The following EYA2 variants were observed in gnomAD, a reference collection of about 807,000 sequenced individuals.
The protein encoded by EYA2 is EYA transcriptional coactivator and phosphatase 2.
Under a neutral mutation model 69.2 loss-of-function variants are expected in EYA2, and 31 were observed. The observed-to-expected ratio is 0.45, with a 90% CI of 0.34 to 0.60. The LOEUF (loss-of-function observed/expected upper bound fraction) is 0.60, where lower values mean the gene tolerates loss of function less well. EYA2 is among the 20% of genes least tolerant of loss of function. EYA2 has a pLI of 0.02. For missense variants in EYA2, 622 were observed against 701.2 expected, an observed-to-expected ratio of 0.89 and a Z score of 1.28; for synonymous variants, 257 against 279.4, an observed-to-expected ratio of 0.92 and a Z score of 0.80.
chr20:46,930,479 G>A (rs755662166), intron 1 of EYA2, among the ~76,000 whole-genome samples: 2 of 152,054 alleles, frequency 1.3e-5, no homozygotes, highest in African/African-American at 2.4e-5. Flanking sequence ...GCATATACAC[G>A]AAGCTCAGTT....
chr20:47,079,849 TA>T (rs2031650126), intron 7 of EYA2, among the ~76,000 whole-genome samples: 1 of 152,234 alleles, frequency 6.6e-6, no homozygotes, highest in Admixed American at 6.5e-5. Flanking sequence ...CTGAGTTTTT[TA>T]AAAGTTTAAG....
intron 1 of EYA2, among the ~76,000 whole-genome samples, chr20:46,966,130 T>C (rs1979765744): frequency 1.3e-5 from 2 of 152,216 alleles, no homozygotes; most frequent in Admixed American, 1.3e-4. Flanking sequence ...TCTTACAGTC[T>C]TTTTTTCTTT....
chr20:47,179,548 AGGTG>A, intron 12 of EYA2, among the ~76,000 whole-genome samples: 1 of 111,180 alleles, frequency 9.0e-6, no homozygotes, highest in Non-Finnish European at 2.0e-5. Flanking sequence ...ATGGGTGGAT[AGGTG>A]GGTGGATGGA....
intron 1 of EYA2, among the ~76,000 whole-genome samples, chr20:46,941,225 T>C (rs556435576): frequency 3.3e-5 from 5 of 152,344 alleles, no homozygotes; most frequent in Admixed American, 2.6e-4. Context: ...AGGTGAGCCA[T>C]GCACCCTATC....
At chr20:46,962,656 T>C (rs943462389) in intron 1 of EYA2, among the ~76,000 whole-genome samples, 2 of 152,202 alleles carry the variant, frequency 1.3e-5, no homozygotes, top group African/African-American at 4.8e-5. Flanking sequence ...CCTTCCCTGA[T>C]TCCTTCAGGC....
intron 1 of EYA2, among the ~76,000 whole-genome samples, chr20:46,924,148 A>G (rs192003589): frequency 4.7e-4 from 72 of 152,262 alleles, no homozygotes; most frequent in Non-Finnish European, 1.0e-4. Context: ...TTTTAGGTAT[A>G]TTAATTTAAG....
chr20:46,953,917 C>G (rs1211291017), intron 1 of EYA2, among the ~76,000 whole-genome samples: 1 of 152,232 alleles, frequency 6.6e-6, no homozygotes, highest in African/African-American at 2.4e-5. Context: ...TCCCAATACA[C>G]TTAGCTTCCC....
chr20:46,915,401 C>T (rs1374770009), intron 1 of EYA2, among the ~76,000 whole-genome samples: 2 of 152,200 alleles, frequency 1.3e-5, no homozygotes, highest in East Asian at 3.8e-4. Flanking sequence ...TAGTGCTTTT[C>T]AGAGAGGCCT....
rs146014378 is a variant in EYA2 at position 47,115,430 on chromosome 20, A to T, written c.888+18262A>T. Among the ~76,000 whole-genome samples the T allele has an allele frequency of 9.3e-4, 142 of 152,166 alleles. 2 individuals carry two copies. The highest frequency in any genetic ancestry group is 3.3e-3 in the African/African-American group (137 of 41,506). ...TTCATCCTTCTTTTTTACTCCTGTT[A>T]TTCACTGGGAGGCTCAGCTTTTCTT... On this transcript the variant is annotated intron_variant, in intron 9 of 15. Coordinates refer to ENST00000327619, the MANE Select transcript of EYA2 (RefSeq NM_005244.5).
At chr20:46,960,090 G>A (rs150103057) in intron 1 of EYA2, among the ~76,000 whole-genome samples, 154 of 152,298 alleles carry the variant, frequency 1.0e-3, no homozygotes, top group Admixed American at 4.0e-3. Context: ...AGGGCACCAC[G>A]TCATGCCTGA....
At chr20:47,135,818 C>CGA (rs2033449844) in intron 9 of EYA2, among the ~76,000 whole-genome samples, 2 of 33,264 alleles carry the variant, frequency 6.0e-5, no homozygotes, top group Admixed American at 3.3e-4. Flanking sequence ...CCTGTCTCTA[C>CGA]AAAAAAAAAA....
chr20:47,173,516 A>G (rs1568826858), intron 12 of EYA2, among the ~76,000 whole-genome samples: 2 of 149,284 alleles, frequency 1.3e-5, no homozygotes, highest in African/African-American at 2.5e-5. Flanking sequence ...CCGTAAAAAA[A>G]AAAAAAAAAA....
chr20:46,913,491 T>A (rs1984750080), intron 1 of EYA2, among the ~76,000 whole-genome samples: 1 of 152,118 alleles, frequency 6.6e-6, no homozygotes, highest in Non-Finnish European at 1.5e-5. Context: ...AAGGACATGA[T>A]CTGCCTTAAG....
rs181922543 is a variant in EYA2 at position 47,080,511 on chromosome 20, G to T, written c.661+6176G>T. Among the ~76,000 whole-genome samples the T allele has an allele frequency of 2.3e-3, 337 of 148,366 alleles. 1 individual carries two copies. The highest frequency in any genetic ancestry group is 7.9e-3 in the African/African-American group (319 of 40,190). ...GGGAGGGAGTAAAGGGGAGTGGAGGGGAGGGAAGATTGGTCAAAGGATACA... is the reference window on the plus strand; with the variant it reads ...GGGAGGGAGTAAAGGGGAGTGGAGGTGAGGGAAGATTGGTCAAAGGATACA... On this transcript the variant is annotated intron_variant, in intron 7 of 15. Transcript: ENST00000327619.
At chr20:46,901,356 A>G (rs1984096154) in intron 1 of EYA2, 2 of 152,216 alleles carry the variant, frequency 1.3e-5, no homozygotes, top group African/African-American at 4.8e-5. Flanking sequence ...TAAGGTATTC[A>G]TGGTTTCCAA....
chr20:46,902,077 A>G (rs982719754), intron 1 of EYA2, among the ~76,000 whole-genome samples: 3 of 152,202 alleles, frequency 2.0e-5, no homozygotes, highest in Non-Finnish European at 2.9e-5. Flanking sequence ...CAAGAAAGAC[A>G]AACTGATAAA....
At chr20:46,970,243 C>T (rs1360020848) in intron 1 of EYA2, among the ~76,000 whole-genome samples, 2 of 152,158 alleles carry the variant, frequency 1.3e-5, no homozygotes, top group African/African-American at 4.8e-5. Context: ...CTCAAATAGC[C>T]ACCATTTTGA....
At chr20:46,972,433 CAG>C (rs993839521) in intron 1 of EYA2, among the ~76,000 whole-genome samples, 3 of 152,116 alleles carry the variant, frequency 2.0e-5, no homozygotes, top group African/African-American at 7.2e-5. Flanking sequence ...TCCATTGGCA[CAG>C]TGTCATGTGG....
At chr20:47,058,519 C>T (rs1370786819) in intron 5 of EYA2, among the ~76,000 whole-genome samples, 3 of 152,090 alleles carry the variant, frequency 2.0e-5, no homozygotes, top group Admixed American at 6.5e-5. Flanking sequence ...CTGGTGCTGA[C>T]CCTGGGGGAG....
Sources: allele counts gnomAD v4.1 joint callset (sites outside exome capture counted in the v4.1 genomes callset), GRCh38; gene constraint gnomAD v4.1.1; transcripts MANE v1.5; gene names NCBI Gene and HGNC (gene_info 2026-07-23, HGNC 2026-07-21).